Variants in MPPED2 observed in about 807,000 individuals in gnomAD.
MPPED2 encodes metallophosphoesterase domain containing 2.
MPPED2 carries 5 observed loss-of-function variants against 33.0 expected under a neutral mutation model. That is an observed-to-expected ratio of 0.15 (90% confidence interval 0.08 to 0.32). MPPED2 has a LOEUF of 0.32. Among genes scored for constraint, MPPED2 ranks in the 10% least tolerant of loss-of-function variants. MPPED2 has a pLI of 1.00. For synonymous variants in MPPED2, 136 were observed against 141.9 expected, an observed-to-expected ratio of 0.96 and a Z score of 0.29; for missense variants, 275 against 372.1, an observed-to-expected ratio of 0.74 and a Z score of 2.15.
chr11:30,461,790 C>A (rs1263536888), intron 4 of MPPED2, among the ~76,000 whole-genome samples: 1 of 152,180 alleles, frequency 6.6e-6, no homozygotes, highest in Admixed American at 6.5e-5. Context: ...AAGCAAAATT[C>A]ATCCTGACAA....
At chr11:30,442,211 A>T (rs1404168940) in intron 4 of MPPED2, among the ~76,000 whole-genome samples, 1 of 152,270 alleles carries the variant, frequency 6.6e-6, no homozygotes, top group Non-Finnish European at 1.5e-5. Flanking sequence ...AGAAAAAGAT[A>T]GAAGAGTGGT....
intron 4 of MPPED2, among the ~76,000 whole-genome samples, chr11:30,476,181 T>C (rs1432271125): frequency 4.6e-5 from 7 of 152,042 alleles, no homozygotes; most frequent in African/African-American, 1.7e-4. Context: ...TGAAAATATG[T>C]TCCCCTAGAC....
At chr11:30,414,131 A>C (rs1003115380) in intron 6 of MPPED2, 97 bp downstream of exon 6, 4 of 804,744 alleles carry the variant, frequency 5.0e-6, no homozygotes, top group South Asian at 2.9e-5. Flanking sequence ...CCCGCTGCTA[A>C]AAAGTTTGAA....
intron 4 of MPPED2, among the ~76,000 whole-genome samples, chr11:30,468,680 C>CTG (rs148112894): frequency 5.9e-5 from 9 of 151,926 alleles, no homozygotes; most frequent in African/African-American, 1.4e-4. Flanking sequence ...CATATTGTGT[C>CTG]TGTGTGTGTG....
At chr11:30,494,822 C>G (rs1041025530) in intron 4 of MPPED2, among the ~76,000 whole-genome samples, 5 of 150,862 alleles carry the variant, frequency 3.3e-5, no homozygotes, top group Non-Finnish European at 7.4e-5. Context: ...AGGATTGCCT[C>G]TATGTTGGAT....
At chr11:30,520,092 T>G (rs532481599) in intron 3 of MPPED2, among the ~76,000 whole-genome samples, 1 of 152,244 alleles carries the variant, frequency 6.6e-6, no homozygotes, top group Non-Finnish European at 1.5e-5. Context: ...ATAAGTGAGA[T>G]TCATAAAAAC....
intron 3 of MPPED2, among the ~76,000 whole-genome samples, chr11:30,506,231 G>T (rs1382325647): frequency 6.6e-6 from 1 of 151,998 alleles, no homozygotes; most frequent in East Asian, 1.9e-4. Flanking sequence ...TAGAGACAGG[G>T]TTTCGCAATG....
chr11:30,473,107 C>T (rs1951019963), intron 4 of MPPED2, among the ~76,000 whole-genome samples: 1 of 152,084 alleles, frequency 6.6e-6, no homozygotes, highest in South Asian at 2.1e-4. Context: ...TCTTTAGCAG[C>T]TACATGGTAT....
At chr11:30,413,713 G>A (rs1455064037) in intron 6 of MPPED2, among the ~76,000 whole-genome samples, 1 of 152,134 alleles carries the variant, frequency 6.6e-6, no homozygotes, top group South Asian at 2.1e-4. Flanking sequence ...GCAGGTTCCC[G>A]CCACTTCTGT....
chr11:30,575,578 A>G (rs751115606), intron 2 of MPPED2, among the ~76,000 whole-genome samples: 1 of 152,184 alleles, frequency 6.6e-6, no homozygotes, highest in Non-Finnish European at 1.5e-5. Context: ...CCCCAGCCCA[A>G]GCTGTGCCTT....
Position 30,492,756 on chromosome 11 carries a change from C to T in MPPED2, c.536+2540G>A, listed in dbSNP as rs550228374. Among the ~76,000 whole-genome samples, 443 of 152,234 alleles carry T rather than the reference C, an allele frequency of 2.9e-3. 2 individuals are homozygous for T. The highest frequency in any genetic ancestry group is 4.7e-3 in the Non-Finnish European group (317 of 68,016). On this transcript the variant is annotated intron_variant, in intron 4 of 6. Coordinates refer to ENST00000358117, the MANE Select transcript of MPPED2 (RefSeq NM_001584.3). ...AAACTGGATCTGAGGATTATAACCA[C>T]CAATTACCACATCCCAACCCCTGCC...
chr11:30,513,151 G>A (rs1953325345), intron 3 of MPPED2, among the ~76,000 whole-genome samples: 1 of 152,038 alleles, frequency 6.6e-6, no homozygotes, highest in South Asian at 2.1e-4. Context: ...CAAGATCTCA[G>A]TGACCAGCAT....
At chr11:30,526,435 T>C (rs761094834) in intron 3 of MPPED2, among the ~76,000 whole-genome samples, 7 of 152,164 alleles carry the variant, frequency 4.6e-5, no homozygotes, top group Non-Finnish European at 1.0e-4. Flanking sequence ...GAAAACCAAA[T>C]TATGAATCAA....
At chr11:30,579,422 G>A (rs551381770) in intron 2 of MPPED2, among the ~76,000 whole-genome samples, 1 of 152,226 alleles carries the variant, frequency 6.6e-6, no homozygotes, top group African/African-American at 2.4e-5. Context: ...GGGTCTCATA[G>A]AGAATGAGCA....
At chr11:30,491,896 C>G (rs1057462489) in intron 4 of MPPED2, among the ~76,000 whole-genome samples, 5 of 152,120 alleles carry the variant, frequency 3.3e-5, no homozygotes, top group African/African-American at 1.2e-4. Flanking sequence ...GGTCAAAATA[C>G]AAAGTATCAA....
At chr11:30,416,063 G>A (rs1028698169) in intron 5 of MPPED2, among the ~76,000 whole-genome samples, 10 of 152,208 alleles carry the variant, frequency 6.6e-5, no homozygotes, top group Admixed American at 5.9e-4. Context: ...CTACTCTAAT[G>A]GTTGTAAAAT....
chr11:30,568,377 T>C (rs1205293208), intron 2 of MPPED2, among the ~76,000 whole-genome samples: 1 of 152,096 alleles, frequency 6.6e-6, no homozygotes, highest in Non-Finnish European at 1.5e-5. Flanking sequence ...ATTCTTTCCC[T>C]CTCTCTCTCT....
intron 2 of MPPED2, among the ~76,000 whole-genome samples, chr11:30,577,221 A>G (rs1956969801): frequency 6.6e-6 from 1 of 152,230 alleles, no homozygotes; most frequent in Non-Finnish European, 1.5e-5. Flanking sequence ...TGTTAGTCAC[A>G]AAGCTGAGCT....
intron 4 of MPPED2, among the ~76,000 whole-genome samples, chr11:30,426,457 G>A (rs1033212684): frequency 6.6e-6 from 1 of 152,190 alleles, no homozygotes; most frequent in African/African-American, 2.4e-5. Flanking sequence ...ACCACAGGGA[G>A]ACCCGGATAA....
Sources: gnomAD v4.1 joint callset for allele counts (sites outside exome capture counted in the v4.1 genomes callset) on GRCh38, gnomAD v4.1.1 for gene constraint, MANE v1.5 for transcripts, NCBI Gene and HGNC (gene_info 2026-07-23, HGNC 2026-07-21) for gene names.